PIK3C2B: variants seen among roughly 807,000 people sequenced by gnomAD.
PIK3C2B encodes phosphatidylinositol-4-phosphate 3-kinase catalytic subunit type 2 beta.
Under a neutral mutation model 184.3 loss-of-function variants are expected in PIK3C2B, and 83 were observed. That is an observed-to-expected ratio of 0.45 (90% CI 0.38 to 0.54). The LOEUF is 0.54. Among genes scored for constraint, PIK3C2B ranks in the 20% least tolerant of loss-of-function variants. The pLI is 0.00. For synonymous variants in PIK3C2B, 779 were observed against 837.6 expected (o/e 0.93, Z 1.21); for missense variants, 1,736 against 2,113.5 (o/e 0.82, Z 3.50).
chr1:204,431,801 G>A lies in PIK3C2B; in HGVS notation c.4156-8C>T. 6.2e-7 allele frequency: 1 copy of A among 1,614,200 alleles called. No individual in the cohort carries two copies. The highest frequency in any genetic ancestry group is 8.5e-7 in the Non-Finnish European group (1 of 1,180,032). On this transcript the variant is annotated splice_region_variant and splice_polypyrimidine_tract_variant and intron_variant, in intron 27 of 32. Coordinates refer to ENST00000684373, the MANE Select transcript of PIK3C2B (RefSeq NM_001377334.1). ...CACCTTTACCACATATATCTGCAAA[G>A]GTCCAGATCTTAGGGTGTACCTGCC...
At chr1:204,489,066 A>C (rs958614759) in intron 1 of PIK3C2B, among the ~76,000 whole-genome samples, 15 of 152,134 alleles carry the variant, frequency 9.9e-5, no homozygotes, top group African/African-American at 3.6e-4. Context: ...CCTTCAGCAT[A>C]GCACAGAAGG....
intron 1 of PIK3C2B, among the ~76,000 whole-genome samples, chr1:204,475,717 G>A (rs955073011): frequency 1.3e-5 from 2 of 152,178 alleles, no homozygotes; most frequent in African/African-American, 4.8e-5. Context: ...CAAAGTCACA[G>A]GAAAGAGAAG....
rs528560388 is a variant in PIK3C2B at position 204,461,555 on chromosome 1, G to A, written c.1311-894C>T. Among the ~76,000 whole-genome samples the A allele has an allele frequency of 9.8e-5, 15 of 152,312 alleles. 1 individual carries two copies. In the South Asian group the frequency reaches 3.1e-3, roughly 32 times the overall value. ...CAGAAATGGAGAGGAGAGGACAGGA[G>A]CATAAGGGGGGCAGTATATGTAAAA... On this transcript the variant is annotated intron_variant, in intron 5 of 32. Coordinates refer to ENST00000684373, the MANE Select transcript of PIK3C2B (RefSeq NM_001377334.1).
chr1:204,440,173 A>G lies in PIK3C2B; in HGVS notation c.3379+19T>C, dbSNP rs1675570487. On this transcript the variant is annotated intron_variant, in intron 22 of 32. Transcript: ENST00000684373. ...CAAAGCGGTCCCCTCCTCCACCCTC[A>G]CCCCTACTCCCAACTGACCTCTGCC... is the stretch of plus-strand genomic sequence containing the variant. 3.1e-6 allele frequency: 5 copies of G among 1,604,340 alleles called. No homozygotes were observed. Among genetic ancestry groups the G allele is most frequent in the Non-Finnish European group, 4.3e-6 (5 of 1,175,460 alleles).
chr1:204,484,459 C>T (rs1657428929), intron 1 of PIK3C2B, among the ~76,000 whole-genome samples: 1 of 152,118 alleles, frequency 6.6e-6, no homozygotes, highest in Non-Finnish European at 1.5e-5. Flanking sequence ...AAGCTGATGG[C>T]CGGGCGCGGT....
chr1:204,482,505 A>G (rs1657248455), intron 1 of PIK3C2B, among the ~76,000 whole-genome samples: 1 of 152,106 alleles, frequency 6.6e-6, no homozygotes, highest in South Asian at 2.1e-4. Flanking sequence ...GAGAGAACTG[A>G]AGGCTGGGTG....
intron 29 of PIK3C2B, 99 bp from the exon 30 acceptor site, chr1:204,428,319 TAAC>T (rs1674859742): frequency 1.4e-6 from 1 of 718,998 alleles, no homozygotes; most frequent in African/African-American, 1.8e-5. Flanking sequence ...TTAGGAAATA[TAAC>T]AACCAACAAC....
At chr1:204,489,608 G>A (rs1397156653) in intron 1 of PIK3C2B, among the ~76,000 whole-genome samples, 1 of 151,970 alleles carries the variant, frequency 6.6e-6, no homozygotes, top group African/African-American at 2.4e-5. Context: ...TTCTTGGTGA[G>A]AATTAAATCC....
chr1:204,442,899 T>C (rs1400846811), intron 19 of PIK3C2B, among the ~76,000 whole-genome samples: 1 of 152,242 alleles, frequency 6.6e-6, no homozygotes, highest in African/African-American at 2.4e-5. Context: ...GAGGGCAGGC[T>C]GTCTCTCAAG....
At chr1:204,441,646 T>C (rs1020341904) in intron 20 of PIK3C2B, 83 bp from the exon 21 acceptor site, 15 of 819,036 alleles carry the variant, frequency 1.8e-5, no homozygotes, top group Non-Finnish European at 2.6e-5. Flanking sequence ...CAGACCAAGA[T>C]GCTGCCTCCC....
Position 204,447,254 on chromosome 1 carries a change from C to T in PIK3C2B, c.2489+182G>A, listed in dbSNP as rs1572324767. Among the ~76,000 whole-genome samples the T allele has an allele frequency of 6.6e-6, 1 of 152,130 alleles. No homozygotes were observed. Among genetic ancestry groups the T allele is most frequent in the Non-Finnish European group, 1.5e-5 (1 of 68,024 alleles). On this transcript the variant is annotated intron_variant, in intron 15 of 32. Coordinates refer to ENST00000684373, the MANE Select transcript of PIK3C2B (RefSeq NM_001377334.1). The surrounding 1 kb of genome is among the most constrained non-coding windows in gnomAD (Gnocchi z 4.1). ...GGTATTCTCAGATCTAATTTCCTGA[C>T]CTTGACCTCTCCACTTTTCCTAGTG... is the stretch of plus-strand genomic sequence containing the variant.
chr1:204,483,461 C>CAA (rs199860757), intron 1 of PIK3C2B, among the ~76,000 whole-genome samples: 2,082 of 140,220 alleles, frequency 0.015, 25 homozygotes, highest in Non-Finnish European at 0.024. Flanking sequence ...CTTTTATTCT[C>CAA]AGTGTCTCCT....
At position 204,448,814 on chromosome 1, in the gene PIK3C2B, G is replaced by A. The variant is rs1572328078; in HGVS notation, c.2346+371C>T. On this transcript the variant is annotated intron_variant, in intron 14 of 32. Transcript: ENST00000684373. ...TAGGTCCATCCTGCCAAAGCACTGAGTCACTGGCAGGGGCAAAGGTGTCCC... is the reference window on the plus strand; with the variant it reads ...TAGGTCCATCCTGCCAAAGCACTGAATCACTGGCAGGGGCAAAGGTGTCCC... Among the ~76,000 whole-genome samples, 5 of 152,270 alleles carry A rather than the reference G, an allele frequency of 3.3e-5. No individual in the cohort carries two copies. In the East Asian group the frequency reaches 9.7e-4, roughly 29 times the overall value.
In PIK3C2B at chr1:204,444,403, A is replaced by G; in HGVS notation, c.2700T>C (p.Arg900=). 9 of 1,613,708 alleles carry G rather than the reference A, an allele frequency of 5.6e-6. No individual in the cohort carries two copies. The highest frequency in any genetic ancestry group is 7.6e-6 in the Non-Finnish European group (9 of 1,179,868). ...AGCCAATCCACTGCACAGCCATACG[A>G]CGCACCTCCTGGTCCGGGAAGCTGC... ...LHATFPDQEV[R]RMAVQWIGSL... is the part of the protein sequence containing the mutation. Residue 900 remains arginine, a synonymous_variant, in exon 17 of 33, where the codon CGT becomes CGC. Transcript: ENST00000684373.
In PIK3C2B at chr1:204,443,399, C is replaced by T; in HGVS notation, c.3048+18G>A. Reference sequence around the variant, plus strand: ...GCCCTGGATGAGAAATGGGTAGGGGCAGCCTCACCCCACTAACCTGCCTTG... The same window carrying T: ...GCCCTGGATGAGAAATGGGTAGGGGTAGCCTCACCCCACTAACCTGCCTTG... On this transcript the variant is annotated intron_variant, in intron 19 of 32. Coordinates refer to ENST00000684373, the MANE Select transcript of PIK3C2B (RefSeq NM_001377334.1). 1.2e-6 allele frequency: 2 copies of T among 1,607,188 alleles called. No homozygotes were observed. The highest frequency in any genetic ancestry group is 1.7e-6 in the Non-Finnish European group (2 of 1,174,640).
Position 204,444,155 on chromosome 1 carries a change from T to C in PIK3C2B, c.2780A>G (p.Lys927Arg). 3.1e-6 allele frequency: 5 copies of C among 1,611,816 alleles called. No homozygotes were observed. The South Asian group carries it at 5.5e-5, about 18-fold the overall frequency. The stretch of plus-strand genomic sequence containing the variant: ...CGGGCTGTCCAGGTAGCATTCATAC[T>C]TCAGGGCCTGTTTCGGAGAAAGGGA... ...DYLPQLVQALKYECYLDSPLV... is the reference protein window; with the variant it reads ...DYLPQLVQALRYECYLDSPLV... Residue 927 changes from lysine to arginine, a missense_variant, in exon 18 of 33, where the codon AAG becomes AGG. Around this residue, in one of 8 missense-constraint regions of PIK3C2B, gnomAD observed 289 missense variants for 380.4 expected, o/e 0.76. Coordinates refer to ENST00000684373, the MANE Select transcript of PIK3C2B (RefSeq NM_001377334.1).
chr1:204,468,461 C>T lies in PIK3C2B; in HGVS notation c.933+409G>A, dbSNP rs140741779. Among the ~76,000 whole-genome samples the T allele has an allele frequency of 4.1e-3, 626 of 152,272 alleles. 4 individuals carry two copies. The highest frequency in any genetic ancestry group is 0.014 in the African/African-American group (582 of 41,544). ...CTATTGTGAATGATCTTCATCGCCA[C>T]GCAGCGTTTTTGGCAGAGCAGGGCC... On this transcript the variant is annotated intron_variant, in intron 2 of 32. Transcript: ENST00000684373.
At chr1:204,429,774 C>T in intron 29 of PIK3C2B, 147 bp downstream of exon 29, 1 of 635,006 alleles carries the variant, frequency 1.6e-6, no homozygotes, top group Non-Finnish European at 2.8e-6. Flanking sequence ...CTGTCTTCTG[C>T]AGACTGGAGC....
In PIK3C2B at chr1:204,469,284, G is replaced by T. The variant is rs756901439; in HGVS notation, c.519C>A (p.Pro173=). ...TGGAGGATGAGGGGGACCCCTTTCT[G>T]GGAGGCAGGGGAGGGGTATCCCAGA... ...ASIWDTPPLP[P]RKGSPSSSKI... Residue 173 remains proline (P), a synonymous_variant, in exon 2 of 33, where the codon CCC becomes CCA. Coordinates refer to ENST00000684373, the MANE Select transcript of PIK3C2B (RefSeq NM_001377334.1). The T allele has an allele frequency of 6.5e-7, 1 of 1,545,014 alleles. No homozygotes were observed. Among genetic ancestry groups the T allele is most frequent in the South Asian group, 1.3e-5 (1 of 78,702 alleles).
Sources: gnomAD v4.1 joint callset for allele counts (sites outside exome capture counted in the v4.1 genomes callset) on GRCh38, gnomAD v4.1.1 for gene constraint, gnomAD v4.1.1 regional missense constraint, Gnocchi (gnomAD v3.1) non-coding constraint, MANE v1.5 for transcripts, NCBI Gene and HGNC (gene_info 2026-07-23, HGNC 2026-07-21) for gene names.